The following SMARCA2 variants were observed in gnomAD, a reference collection of about 807,000 sequenced individuals.
SMARCA2 encodes SWI/SNF-related matrix-associated actin-dependent regulator of chromatin subfamily A member 2.
Under a neutral mutation model 199.8 loss-of-function variants are expected in SMARCA2, and 61 were observed. The ratio of observed to expected loss-of-function variants is 0.31; its 90% CI spans 0.25 to 0.38. The LOEUF is 0.38. Ranked by LOEUF, SMARCA2 falls within the 10% of genes least tolerant of loss-of-function variation. The pLI is 1.00. For missense variants in SMARCA2, 1,344 were observed against 2,012.2 expected (o/e 0.67, Z 6.35); for synonymous variants, 935 against 732.0 (o/e 1.28, Z -4.48).
At chr9:2,022,815 C>T (rs949820256) in intron 1 of SMARCA2, among the ~76,000 whole-genome samples, 1 of 152,160 alleles carries the variant, frequency 6.6e-6, no homozygotes, top group African/African-American at 2.4e-5. Flanking sequence ...GACATATTAC[C>T]TTTCAGGGTG....
intron 32 of SMARCA2, among the ~76,000 whole-genome samples, chr9:2,189,425 T>C (rs1382848074): frequency 6.6e-6 from 1 of 152,096 alleles, no homozygotes; most frequent in African/African-American, 2.4e-5. Flanking sequence ...AAGGATACAT[T>C]TTCTTACCCC....
intron 32 of SMARCA2, among the ~76,000 whole-genome samples, chr9:2,189,920 T>C (rs777281853): frequency 3.6e-4 from 55 of 152,204 alleles, no homozygotes; most frequent in Non-Finnish European, 5.4e-4. Context: ...CACTCTCATC[T>C]CCTTCTGGAG....
chr9:2,101,990 A>G (rs1822537207), intron 22 of SMARCA2, among the ~76,000 whole-genome samples: 1 of 152,210 alleles, frequency 6.6e-6, no homozygotes, highest in African/African-American at 2.4e-5. Context: ...CATGAGAAGA[A>G]ATCTCTCATC....
In SMARCA2 at chr9:2,109,880, G is replaced by A. The variant is rs1210718500; in HGVS notation, c.3293-374G>A. Among the ~76,000 whole-genome samples the A allele has an allele frequency of 1.3e-5, 2 of 151,854 alleles. 1 individual carries two copies. Among genetic ancestry groups the A allele is most frequent in the East Asian group, 3.8e-4 (2 of 5,202 alleles). ...GCCATTATTACAGTTTTAAGTGCAC[G>A]TGTGTGTGTGTGAGAGTGAAAGAGA... On this transcript the variant is annotated intron_variant, in intron 23 of 33. Transcript: ENST00000349721.
At chr9:2,167,000 T>G (rs1825964079) in intron 28 of SMARCA2, among the ~76,000 whole-genome samples, 5 of 152,230 alleles carry the variant, frequency 3.3e-5, no homozygotes, top group Admixed American at 3.3e-4. Flanking sequence ...TAAATAGCCC[T>G]GTGGCATCTG....
chr9:2,058,510 C>G (rs773477968), intron 8 of SMARCA2, 46 bp downstream of exon 8: 1 of 1,520,344 alleles, frequency 6.6e-7, no homozygotes. Flanking sequence ...CAACCCACGT[C>G]CGTCTGCAAT....
In SMARCA2 at chr9:2,058,339, C is replaced by A. The variant is rs1372165970; in HGVS notation, c.1396C>A (p.His466Asn). The A allele has an allele frequency of 6.2e-7, 1 of 1,614,194 alleles. No individual in the cohort carries two copies. The highest frequency in any genetic ancestry group is 2.2e-5 in the East Asian group (1 of 44,890). The change falls in exon 8 of 34, where the codon CAT (histidine) becomes AAT (asparagine). Residue 466 changes from histidine (H) to asparagine (N), a missense_variant. Around this residue, in one of 18 missense-constraint regions of SMARCA2, gnomAD observed 155 missense variants for 260.0 expected, o/e 0.60. Transcript: ENST00000349721. ...LQHAKDFKEYHRSVAGKIQKL... is the reference protein window; with the variant it reads ...LQHAKDFKEYNRSVAGKIQKL... ...ACATGCAAAAGATTTTAAGGAATATCATCGGTCTGTGGCCGGAAAGATCCA... is the reference window on the plus strand; with the variant it reads ...ACATGCAAAAGATTTTAAGGAATATAATCGGTCTGTGGCCGGAAAGATCCA...
chr9:2,020,648 T>A (rs1464851140), intron 1 of SMARCA2, among the ~76,000 whole-genome samples: 1 of 152,230 alleles, frequency 6.6e-6, no homozygotes, highest in East Asian at 1.9e-4. Context: ...CTGTTTATTA[T>A]GAGTTTATTA....
At position 2,039,799 on chromosome 9, in the gene SMARCA2, A is replaced by C. The variant is rs145635937; in HGVS notation, c.689A>C (p.Gln230Pro). 652 of 1,604,802 alleles carry C rather than the reference A, an allele frequency of 4.1e-4. 1 individual carries two copies. Among genetic ancestry groups the C allele is most frequent in the Middle Eastern group, 2.7e-3 (16 of 6,016 alleles). Reference sequence around the variant, plus strand: ...CAACAGCAGCAGCAGCAGCAGCAGCAGCAGCAGCAGCAGCAGCAACAGCAG... The same window carrying C: ...CAACAGCAGCAGCAGCAGCAGCAGCCGCAGCAGCAGCAGCAGCAACAGCAG... ...QQQQQQQQQQ[Q>P]QQQQQQQQPQ... Residue 230 changes from glutamine (Q) to proline (P), a missense_variant, in exon 4 of 34, where the codon CAG becomes CCG. Gln to Pro is a moderately conservative substitution (Grantham distance 76, BLOSUM62 -1). Around this residue, in one of 18 missense-constraint regions of SMARCA2, gnomAD observed 117 missense variants for 99.1 expected, o/e 1.18. Coordinates refer to ENST00000349721, the MANE Select transcript of SMARCA2 (RefSeq NM_003070.5). This position sits in a 1 kb window ranked among gnomAD's most constrained non-coding sequence, Gnocchi z 4.8.
chr9:2,028,957 T>C (rs1818947434), intron 1 of SMARCA2, 30 bp from the exon 2 acceptor site: 1 of 1,508,968 alleles, frequency 6.6e-7, no homozygotes, highest in Non-Finnish European at 8.9e-7. Context: ...GTTTAAAACA[T>C]GCCTTCCTTT....
intron 19 of SMARCA2, among the ~76,000 whole-genome samples, chr9:2,093,022 A>C (rs1321549048): frequency 6.6e-6 from 1 of 152,168 alleles, no homozygotes; most frequent in African/African-American, 2.4e-5. Context: ...TCTTGATACA[A>C]ACCTGTTGAT....
chr9:2,116,109 T>A, intron 25 of SMARCA2, 60 bp downstream of exon 25: 1 of 1,259,680 alleles, frequency 7.9e-7, no homozygotes, highest in Non-Finnish European at 1.1e-6. Context: ...TCTGAAGGAC[T>A]CAGAATAATC....
intron 27 of SMARCA2, among the ~76,000 whole-genome samples, chr9:2,156,011 T>G (rs1265286357): frequency 6.6e-6 from 1 of 152,200 alleles, no homozygotes; most frequent in African/African-American, 2.4e-5. Context: ...AAAAAAGTCC[T>G]TACCCTTCAG....
At chr9:2,145,834 G>GA (rs201445764) in intron 27 of SMARCA2, among the ~76,000 whole-genome samples, 1,892 of 152,236 alleles carry the variant, frequency 0.012, 27 homozygotes, top group African/African-American at 0.043. Context: ...TTTGTAAGAA[G>GA]AAAAAATCAA....
chr9:2,043,485 G>T (rs576811067), intron 4 of SMARCA2: 2 of 152,272 alleles, frequency 1.3e-5, no homozygotes, highest in Non-Finnish European at 2.9e-5. Flanking sequence ...AGAAAAATGG[G>T]AACTGAAAAA....
intron 22 of SMARCA2, 142 bp from the exon 23 acceptor site, chr9:2,103,861 A>G (rs1822638626): frequency 4.9e-6 from 3 of 617,046 alleles, no homozygotes; most frequent in Non-Finnish European, 8.3e-6. Flanking sequence ...TGGAGTTCAT[A>G]TTCATTCATT....
At position 2,101,629 on chromosome 9, in the gene SMARCA2, T is replaced by C. The variant is rs934780125; in HGVS notation, c.3125+13T>C. On this transcript the variant is annotated intron_variant, in intron 22 of 33. Coordinates refer to ENST00000349721, the MANE Select transcript of SMARCA2 (RefSeq NM_003070.5). ...GGGTCATCAATGGGTAAATCTCAAA[T>C]TTTTTTTTCTTTTAAAAAAAAATGT... 1.4e-5 allele frequency: 20 copies of C among 1,404,396 alleles called. No individual in the cohort carries two copies. Among genetic ancestry groups the C allele is most frequent in the African/African-American group, 2.9e-5 (2 of 69,482 alleles). The allele number at this position is 1,404,396 out of a possible 1,614,324, so 87.0% of individuals were successfully genotyped here.
chr9:2,070,562 C>A, intron 10 of SMARCA2, 91 bp downstream of exon 10: 1 of 866,596 alleles, frequency 1.2e-6, no homozygotes, highest in Non-Finnish European at 1.9e-6. Context: ...CTATTTTATT[C>A]TTACTGTGCT....
intron 4 of SMARCA2, chr9:2,043,429 T>A (rs920345684): frequency 6.6e-6 from 1 of 152,230 alleles, no homozygotes; most frequent in Non-Finnish European, 1.5e-5. Flanking sequence ...CCCATCATTT[T>A]TCTTTTCATT....
Sources: allele counts gnomAD v4.1 joint callset (sites outside exome capture counted in the v4.1 genomes callset), GRCh38; gene constraint gnomAD v4.1.1; regional missense constraint gnomAD v4.1.1; non-coding constraint Gnocchi (gnomAD v3.1); transcripts MANE v1.5; gene names NCBI Gene and HGNC (gene_info 2026-07-23, HGNC 2026-07-21).